The following GRIP2 variants were observed in gnomAD, a reference collection of about 807,000 sequenced individuals.
GRIP2 encodes the protein glutamate receptor-interacting protein 2.
A neutral mutation model predicts 108.3 loss-of-function variants in GRIP2; 58 were observed. The observed-to-expected ratio is 0.54, with a 90% CI of 0.43 to 0.67. The LOEUF (loss-of-function observed/expected upper bound fraction) is 0.67. Among genes scored for constraint, GRIP2 ranks in the 30% least tolerant of loss-of-function variants. The pLI is 0.00. For missense variants in GRIP2, 1,278 were observed against 1,430.6 expected, an observed-to-expected ratio of 0.89 and a Z score of 1.72; for synonymous variants, 586 against 598.2, an observed-to-expected ratio of 0.98 and a Z score of 0.30.
At chr3:14,565,923 G>A in the GRIP2 span, among the ~76,000 whole-genome samples, 26,229 of 152,116 alleles carry the variant, frequency 0.17, 2,417 homozygotes, top group Middle Eastern at 0.29. Context: ...AGAAAGGAGC[G>A]TGCCCTAGGT....
At chr3:14,559,552 C>A (rs1035322787), upstream of GRIP2, among the ~76,000 whole-genome samples, 3 of 151,922 alleles carry the variant, frequency 2.0e-5, no homozygotes, top group Non-Finnish European at 4.4e-5. Flanking sequence ...AGGCAGTGGT[C>A]GGTGTATTTC....
chr3:14,602,894 C>A, the GRIP2 span, among the ~76,000 whole-genome samples: 11 of 150,946 alleles, frequency 7.3e-5, no homozygotes, highest in Admixed American at 2.6e-4. This position sits in a 1 kb window ranked among gnomAD's most constrained non-coding sequence, Gnocchi z 4.7. Context: ...GCGCCGCGCG[C>A]GCGCTCACCG....
chr3:14,499,797 G>A (rs1693718279), intron 21 of GRIP2, among the ~76,000 whole-genome samples: 1 of 152,048 alleles, frequency 6.6e-6, no homozygotes, highest in African/African-American at 2.4e-5. Context: ...TTACAGGGGT[G>A]TCCAAACTAT....
At chr3:14,577,265 G>A in the GRIP2 span, among the ~76,000 whole-genome samples, 1 of 152,202 alleles carries the variant, frequency 6.6e-6, no homozygotes, top group African/African-American at 2.4e-5. Context: ...GAGACAAATG[G>A]TGCATGTTTC....
intron 11 of GRIP2, among the ~76,000 whole-genome samples, chr3:14,516,837 A>G (rs1694261345): frequency 6.6e-6 from 1 of 152,224 alleles, no homozygotes; most frequent in South Asian, 2.1e-4. Context: ...TACAAGAATA[A>G]AAGTGTACAA....
At position 14,522,969 on chromosome 3, in the gene GRIP2, C is replaced by T. The variant is rs758463662; in HGVS notation, c.566+31G>A. 1.3e-6 allele frequency: 2 copies of T among 1,592,700 alleles called. No individual in the cohort carries two copies. The highest frequency in any genetic ancestry group is 3.3e-5 in the Admixed American group (2 of 59,996). ...GCAGGGGAGTTGGGGCAGGTCAGTG[C>T]AGTGTGTGGATTTCTTCTGCCTCGG... On this transcript the variant is annotated intron_variant, in intron 6 of 23. Transcript: ENST00000621039. The surrounding 1 kb of genome is among the most constrained non-coding windows in gnomAD (Gnocchi z 4.3).
chr3:14,574,710 C>T, the GRIP2 span: 13 of 574,910 alleles, frequency 2.3e-5, 1 homozygote, highest in Middle Eastern at 6.4e-4. Context: ...CTGTGCCCAG[C>T]GCAAGGTGCC....
At chr3:14,552,290 G>A (rs763672179) in intron 1 of GRIP2, among the ~76,000 whole-genome samples, 5 of 152,152 alleles carry the variant, frequency 3.3e-5, no homozygotes, top group African/African-American at 2.4e-5. Context: ...ATTAAGGAGC[G>A]GAAGGAGGGA....
chr3:14,511,111 C>G lies in GRIP2; in HGVS notation c.1933+54G>C, dbSNP rs983534558. On this transcript the variant is annotated intron_variant, in intron 16 of 23. Coordinates refer to ENST00000621039, the MANE Select transcript of GRIP2 (RefSeq NM_001080423.4). This position sits in a 1 kb window ranked among gnomAD's most constrained non-coding sequence, Gnocchi z 4.1. The stretch of plus-strand genomic sequence containing the variant: ...GAGCCCTGAATTGCAAGCTGGGAAC[C>G]CGCTAGTCAAAGGGTGGGCCTCTGG... The G allele has an allele frequency of 1.3e-6, 2 of 1,596,888 alleles. No homozygotes were observed. Among genetic ancestry groups the G allele is most frequent in the African/African-American group, 2.7e-5 (2 of 74,594 alleles).
rs1694932573 is a variant in GRIP2 at position 14,540,218 on chromosome 3, G to C, written c.40+51C>G. ...TCTCTCTGGGCAGCAGCTCCAGAGG[G>C]ATCTATGTGTTCAGCCCCATCACTC... On this transcript the variant is annotated intron_variant, in intron 1 of 23. Coordinates refer to ENST00000621039, the MANE Select transcript of GRIP2 (RefSeq NM_001080423.4). The surrounding 1 kb of genome is among the most constrained non-coding windows in gnomAD (Gnocchi z 4.1). The C allele has an allele frequency of 5.0e-6, 8 of 1,598,224 alleles. No homozygotes were observed. The highest frequency in any genetic ancestry group is 1.3e-5 in the African/African-American group (1 of 74,720).
At chr3:14,502,847 G>A (rs2124854959) in intron 21 of GRIP2, among the ~76,000 whole-genome samples, 1 of 152,228 alleles carries the variant, frequency 6.6e-6, no homozygotes, top group South Asian at 2.1e-4. Context: ...CTTGTTCTTT[G>A]AGCAACCTAG....
At chr3:14,583,179 A>G in the GRIP2 span, among the ~76,000 whole-genome samples, 1 of 151,994 alleles carries the variant, frequency 6.6e-6, no homozygotes, top group Admixed American at 6.6e-5. Flanking sequence ...ACCCTGTCTT[A>G]TGACTGGATT....
rs920291871 is a variant in GRIP2, at chr3:14,512,931, T to C, written c.1640-74A>G. ...TCAGCGAACCCCAGCCCCATGCCCA[T>C]TCTGGCTGTGCTGGGAGTGACCCCG... is the stretch of plus-strand genomic sequence containing the variant. On this transcript the variant is annotated intron_variant, in intron 13 of 23. Transcript: ENST00000621039. The surrounding 1 kb of genome is among the most constrained non-coding windows in gnomAD (Gnocchi z 5.1). The C allele has an allele frequency of 6.6e-6, 9 of 1,367,270 alleles. No individual in the cohort carries two copies. The African/African-American group carries it at 1.1e-4, about 17-fold the overall frequency. The allele number at this position is 1,367,270 out of a possible 1,614,324, so 84.7% of individuals were successfully genotyped here. A position where few individuals can be genotyped will look rare whatever the true frequency, so the allele number is the denominator to read the frequency against.
intron 21 of GRIP2, among the ~76,000 whole-genome samples, chr3:14,499,927 T>C (rs1288058293): frequency 6.6e-6 from 1 of 152,172 alleles, no homozygotes; most frequent in African/African-American, 2.4e-5. Context: ...TTTAAGAAAG[T>C]TTATGAATTT....
chr3:14,558,986 C>T (rs1484211889), upstream of GRIP2, among the ~76,000 whole-genome samples: 1 of 152,072 alleles, frequency 6.6e-6, no homozygotes, highest in Non-Finnish European at 1.5e-5. Context: ...GTCCATTACG[C>T]CTGGCACTGA....
chr3:14,514,903 G>T (rs1218461471), intron 11 of GRIP2, among the ~76,000 whole-genome samples: 1 of 152,188 alleles, frequency 6.6e-6, no homozygotes, highest in East Asian at 1.9e-4. Flanking sequence ...GTGGTTTTTA[G>T]TGTATTCACA....
At position 14,492,851 on chromosome 3, in the gene GRIP2, A is replaced by G. The variant is rs1280171083; in HGVS notation, c.*814T>C. ...CAGGAGGGCTGAGAGCCCAAGGCCC[A>G]TAGAGCCTGCCCAATGGGCCCAGAA... On this transcript the variant is annotated 3_prime_UTR_variant, in exon 24 of 24. Transcript: ENST00000621039. 1 of 152,304 alleles carries G rather than the reference A, an allele frequency of 6.6e-6. No homozygotes were observed. Among genetic ancestry groups the G allele is most frequent in the African/African-American group, 2.4e-5 (1 of 41,454 alleles). The allele number at this position is 152,304 out of a possible 1,614,324, so 9.4% of individuals were successfully genotyped here. A position where few individuals can be genotyped will look rare whatever the true frequency, so the allele number is the denominator to read the frequency against.
intron 1 of GRIP2, among the ~76,000 whole-genome samples, chr3:14,554,939 C>T (rs568355481): frequency 7.2e-5 from 11 of 152,300 alleles, no homozygotes; most frequent in African/African-American, 2.4e-4. Context: ...CTGTTGACAG[C>T]AAGATGATTC....
At chr3:14,563,877 G>A in the GRIP2 span, among the ~76,000 whole-genome samples, 16 of 152,234 alleles carry the variant, frequency 1.1e-4, no homozygotes, top group Middle Eastern at 0.024. Flanking sequence ...AATGAAGACG[G>A]GAACACTGCC....
Sources: allele counts gnomAD v4.1 joint callset (sites outside exome capture counted in the v4.1 genomes callset), GRCh38; gene constraint gnomAD v4.1.1; non-coding constraint Gnocchi (gnomAD v3.1); transcripts MANE v1.5; gene names NCBI Gene and HGNC (gene_info 2026-07-23, HGNC 2026-07-21).